The following STAG1 variants were observed in gnomAD, a reference collection of about 807,000 sequenced individuals.
The protein encoded by STAG1 is STAG1 cohesin complex component, also known as cohesin subunit SA-1.
STAG1 carries 26 observed loss-of-function variants against 170.9 expected under a neutral mutation model. The ratio of observed to expected loss-of-function variants is 0.15; its 90% CI spans 0.11 to 0.21. The LOEUF (loss-of-function observed/expected upper bound fraction) is 0.21. Ranked by LOEUF, STAG1 falls within the 10% of genes least tolerant of loss-of-function variation. The probability of loss-of-function intolerance (pLI) is 1.00; values close to 1 mark genes in which losing one functional copy is unlikely to be tolerated. For synonymous variants in STAG1, 514 were observed against 497.7 expected, an observed-to-expected ratio of 1.03 and a Z score of -0.44; for missense variants, 964 against 1,509.5, an observed-to-expected ratio of 0.64 and a Z score of 5.99.
intron 2 of STAG1, among the ~76,000 whole-genome samples, chr3:136,630,219 G>A (rs1319960565): frequency 1.3e-5 from 2 of 151,950 alleles, no homozygotes; most frequent in Non-Finnish European, 2.9e-5. Flanking sequence ...ATAAAAATAA[G>A]TCCCAATTCT....
chr3:136,708,725 T>C (rs1346179524), intron 1 of STAG1, among the ~76,000 whole-genome samples: 1 of 152,202 alleles, frequency 6.6e-6, no homozygotes, highest in Non-Finnish European at 1.5e-5. Context: ...GTATTACTAC[T>C]ATATAGCTAC....
intron 7 of STAG1, among the ~76,000 whole-genome samples, chr3:136,506,476 CAAAAAAA>C (rs11414654): frequency 1.2e-5 from 1 of 85,344 alleles, no homozygotes; most frequent in South Asian, 4.7e-4. Context: ...ACTAAAAATA[CAAAAAAA>C]AAAAAAAAAA....
chr3:136,576,132 A>T (rs1271728606), intron 4 of STAG1, among the ~76,000 whole-genome samples: 3 of 152,242 alleles, frequency 2.0e-5, no homozygotes, highest in Non-Finnish European at 4.4e-5. Flanking sequence ...ACTAAATGAT[A>T]GTATATCCAT....
At chr3:136,444,967 C>T (rs557506770) in intron 14 of STAG1, among the ~76,000 whole-genome samples, 7 of 151,848 alleles carry the variant, frequency 4.6e-5, no homozygotes, top group Admixed American at 1.3e-4. Flanking sequence ...CTCAAGTGAT[C>T]CTCCGAACTT....
At chr3:136,351,152 C>T (rs528813801) in intron 28 of STAG1, among the ~76,000 whole-genome samples, 132 of 151,668 alleles carry the variant, frequency 8.7e-4, no homozygotes, top group African/African-American at 3.0e-3. Flanking sequence ...TTCATTTGAA[C>T]GTAGCCTACC....
chr3:136,684,836 A>G (rs371218439), intron 1 of STAG1, among the ~76,000 whole-genome samples: 10 of 152,052 alleles, frequency 6.6e-5, no homozygotes, highest in Non-Finnish European at 1.5e-4. Context: ...AAAAAACATC[A>G]GTCTAGACAC....
At chr3:136,731,663 G>A (rs1388018992) in intron 1 of STAG1, among the ~76,000 whole-genome samples, 4 of 152,204 alleles carry the variant, frequency 2.6e-5, no homozygotes, top group African/African-American at 9.7e-5. Context: ...AACAAGAACT[G>A]TGCTTCAATG....
chr3:136,640,940 G>A (rs1351387268), intron 1 of STAG1, among the ~76,000 whole-genome samples: 1 of 152,036 alleles, frequency 6.6e-6, no homozygotes, highest in Admixed American at 6.6e-5. Flanking sequence ...CTCCCAAAGT[G>A]CTGGGATTAC....
rs181926491 is a variant in STAG1, at chr3:136,364,164, C to T, written c.2686-697G>A. Among the ~76,000 whole-genome samples the T allele has an allele frequency of 7.2e-5, 11 of 151,962 alleles. No individual in the cohort carries two copies. In the East Asian group the frequency reaches 2.1e-3, roughly 30 times the overall value. ...ATGGCATGATCTCGGCTCACTACAA[C>T]CTCTGCCTCCTGGGTTCAAGCAATT... On this transcript the variant is annotated intron_variant, in intron 25 of 33. Transcript: ENST00000383202.
chr3:136,377,029 G>A (rs534414205), intron 23 of STAG1, among the ~76,000 whole-genome samples: 312 of 150,256 alleles, frequency 2.1e-3, no homozygotes, highest in African/African-American at 6.7e-3. Flanking sequence ...TGCCCACCTC[G>A]GCCTCCCAAA....
At chr3:136,457,819 G>A (rs1397135659) in intron 13 of STAG1, among the ~76,000 whole-genome samples, 1 of 152,138 alleles carries the variant, frequency 6.6e-6, no homozygotes, top group African/African-American at 2.4e-5. Flanking sequence ...ACTGGGGCCA[G>A]GCATGGTGAT....
Position 136,701,022 on chromosome 3 carries a change from C to T in STAG1, c.-84+51173G>A, listed in dbSNP as rs550365049. On this transcript the variant is annotated intron_variant, in intron 1 of 33. Transcript: ENST00000383202. Reference sequence around the variant, plus strand: ...TCAGCCTCCCGAGTAGCTGGAACAACGGGCACATGCCACCACACTTGGCTA... The same window carrying T: ...TCAGCCTCCCGAGTAGCTGGAACAATGGGCACATGCCACCACACTTGGCTA... Among the ~76,000 whole-genome samples, 43 of 151,396 alleles carry T rather than the reference C, an allele frequency of 2.8e-4. 1 individual carries two copies. The South Asian group carries it at 4.2e-3, about 15-fold the overall frequency.
intron 1 of STAG1, among the ~76,000 whole-genome samples, chr3:136,705,472 C>G (rs868800653): frequency 6.6e-6 from 1 of 151,596 alleles, no homozygotes; most frequent in Non-Finnish European, 1.5e-5. Flanking sequence ...CCACCCAGAT[C>G]CTGAATTGTA....
intron 5 of STAG1, among the ~76,000 whole-genome samples, chr3:136,564,123 C>A (rs745543126): frequency 4.1e-4 from 62 of 152,246 alleles, no homozygotes; most frequent in South Asian, 2.1e-3. Context: ...TCCTATAGTT[C>A]ATTCAATCAC....
At chr3:136,590,193 A>T (rs747748999) in intron 4 of STAG1, among the ~76,000 whole-genome samples, 1 of 151,838 alleles carries the variant, frequency 6.6e-6, no homozygotes, top group African/African-American at 2.4e-5. Flanking sequence ...ATGACTAAAA[A>T]CTAAAGACTG....
chr3:136,529,512 C>A (rs1212783282), intron 6 of STAG1, among the ~76,000 whole-genome samples: 12 of 152,094 alleles, frequency 7.9e-5, no homozygotes, highest in East Asian at 1.9e-4. Flanking sequence ...ACAACAACAA[C>A]AAAAAACCCT....
intron 28 of STAG1, among the ~76,000 whole-genome samples, chr3:136,354,772 A>T (rs1309938490): frequency 6.7e-6 from 1 of 148,426 alleles, no homozygotes; most frequent in African/African-American, 2.5e-5. Flanking sequence ...AAAAAAACCA[A>T]AAAACAAAAA....
At chr3:136,588,204 C>G (rs1937940139) in intron 4 of STAG1, among the ~76,000 whole-genome samples, 1 of 152,172 alleles carries the variant, frequency 6.6e-6, no homozygotes. Context: ...TACAAATATA[C>G]ACATGGCTGG....
chr3:136,577,275 G>C lies in STAG1; in HGVS notation c.298-8414C>G, dbSNP rs989622146. Among the ~76,000 whole-genome samples the C allele has an allele frequency of 3.3e-5, 5 of 152,146 alleles. No homozygotes were observed. The East Asian group carries it at 9.6e-4, about 29-fold the overall frequency. Reference sequence around the variant, plus strand: ...CAGAGAACTTCCATGAAGAATCCTAGAATGTCTCATTTCTTATAGGTGAGG... The same window carrying C: ...CAGAGAACTTCCATGAAGAATCCTACAATGTCTCATTTCTTATAGGTGAGG... On this transcript the variant is annotated intron_variant, in intron 4 of 33. Transcript: ENST00000383202.
Sources: gnomAD v4.1 joint callset for allele counts (sites outside exome capture counted in the v4.1 genomes callset) on GRCh38, gnomAD v4.1.1 for gene constraint, MANE v1.5 for transcripts, NCBI Gene and HGNC (gene_info 2026-07-23, HGNC 2026-07-21) for gene names.